The following CNBD1 variants were observed in gnomAD, a reference collection of about 807,000 sequenced individuals.
CNBD1 encodes the protein cyclic nucleotide binding domain containing 1, also known as cyclic nucleotide-binding domain-containing protein 1.
A neutral mutation model predicts 54.4 loss-of-function variants in CNBD1; 71 were observed. The observed-to-expected ratio is 1.30, with a 90% confidence interval of 1.08 to 1.59. CNBD1 has a LOEUF of 1.59. Ranked by LOEUF, CNBD1 falls within the 40% of genes most tolerant of loss-of-function variation. CNBD1 has a pLI of 0.00. For synonymous variants in CNBD1, 182 were observed against 170.7 expected, an observed-to-expected ratio of 1.07 and a Z score of -0.51; for missense variants, 659 against 518.0, an observed-to-expected ratio of 1.27 and a Z score of -2.64.
chr8:87,399,959 G>T (rs1039634291), intron 2 of CNBD1, among the ~76,000 whole-genome samples: 2 of 151,740 alleles, frequency 1.3e-5, no homozygotes, highest in Admixed American at 6.6e-5. Flanking sequence ...ATGATAAAAG[G>T]CAGGACATAA....
chr8:87,039,370 T>C (rs1810015470), intron 4 of CNBD1, among the ~76,000 whole-genome samples: 2 of 152,218 alleles, frequency 1.3e-5, no homozygotes. Context: ...AGTATGTTTG[T>C]ACTCAAAAGT....
intron 3 of CNBD1, among the ~76,000 whole-genome samples, chr8:86,906,870 A>G (rs1809025688): frequency 1.3e-5 from 2 of 152,228 alleles, no homozygotes; most frequent in African/African-American, 4.8e-5. Context: ...GTGTTTTAAC[A>G]GTAAAACTGT....
intron 4 of CNBD1, among the ~76,000 whole-genome samples, chr8:87,074,482 C>T (rs888147889): frequency 1.3e-5 from 2 of 152,160 alleles, no homozygotes; most frequent in Non-Finnish European, 2.9e-5. Flanking sequence ...GTATGTAAAA[C>T]TCCAGGATCT....
chr8:87,006,930 C>A (rs1809112742), intron 4 of CNBD1, among the ~76,000 whole-genome samples: 1 of 152,248 alleles, frequency 6.6e-6, no homozygotes, highest in Non-Finnish European at 1.5e-5. Flanking sequence ...GGTGCCGCGG[C>A]TCACGCCTGT....
At chr8:87,428,023 G>C (rs927206100) in intron 2 of CNBD1, among the ~76,000 whole-genome samples, 6 of 151,796 alleles carry the variant, frequency 4.0e-5, no homozygotes, top group African/African-American at 1.5e-4. Flanking sequence ...GCAGAATTAT[G>C]AATGCTTTCT....
intron 4 of CNBD1, among the ~76,000 whole-genome samples, chr8:86,964,108 G>T (rs956218463): frequency 1.7e-3 from 1 of 598 alleles, no homozygotes; most frequent in Non-Finnish European, 3.0e-3. Flanking sequence ...AGTACTCTCT[G>T]GTCGTATGGC....
intron 5 of CNBD1, among the ~76,000 whole-genome samples, chr8:87,218,742 A>G (rs2130807066): frequency 1.3e-5 from 2 of 152,110 alleles, no homozygotes; most frequent in South Asian, 4.1e-4. Context: ...TAAAAGATTG[A>G]AATGTTTTAA....
intron 4 of CNBD1, among the ~76,000 whole-genome samples, chr8:87,149,278 G>A (rs1190660077): frequency 6.6e-6 from 1 of 152,200 alleles, no homozygotes; most frequent in Non-Finnish European, 1.5e-5. Context: ...TACTAGAGGA[G>A]AGATGGGCCT....
At chr8:87,287,362 C>T (rs976524596) in intron 8 of CNBD1, among the ~76,000 whole-genome samples, 2 of 152,092 alleles carry the variant, frequency 1.3e-5, no homozygotes, top group Admixed American at 6.6e-5. Context: ...TAAGGAAACA[C>T]AATTGCTACA....
chr8:87,165,848 C>T (rs1052694003), intron 4 of CNBD1, among the ~76,000 whole-genome samples: 1 of 151,676 alleles, frequency 6.6e-6, no homozygotes, highest in Non-Finnish European at 1.5e-5. Flanking sequence ...GTTTATTTGC[C>T]GTCATATATA....
chr8:87,041,372 G>A (rs1319682533), intron 4 of CNBD1, among the ~76,000 whole-genome samples: 1 of 152,140 alleles, frequency 6.6e-6, no homozygotes. Flanking sequence ...CAGTGTAAAA[G>A]TCTCAGGCAG....
Position 86,943,862 on chromosome 8 carries a change from A to G in CNBD1, c.431+4108A>G, listed in dbSNP as rs947361049. Among the ~76,000 whole-genome samples, 32 of 152,166 alleles carry G rather than the reference A, an allele frequency of 2.1e-4. 1 individual carries two copies. Among genetic ancestry groups the G allele is most frequent in the Admixed American group, 1.9e-3 (29 of 15,260 alleles). Reference sequence around the variant, plus strand: ...AAGAATATCAGGTAGCTCTCAGAATAGAAGAACAACAACTAGATGCTGGAG... The same window carrying G: ...AAGAATATCAGGTAGCTCTCAGAATGGAAGAACAACAACTAGATGCTGGAG... On this transcript the variant is annotated intron_variant, in intron 4 of 10. Transcript: ENST00000518476.
chr8:87,047,213 CT>C (rs1165455341), intron 4 of CNBD1, among the ~76,000 whole-genome samples: 2 of 152,142 alleles, frequency 1.3e-5, no homozygotes, highest in Non-Finnish European at 2.9e-5. Flanking sequence ...ATTCTATCAA[CT>C]TCACCTAGTC....
At chr8:87,419,645 G>T (rs1031298668) in intron 2 of CNBD1, among the ~76,000 whole-genome samples, 1 of 151,862 alleles carries the variant, frequency 6.6e-6, no homozygotes, top group Admixed American at 6.6e-5. Context: ...TAATGAAATT[G>T]ATACTGTAAT....
intron 2 of CNBD1, among the ~76,000 whole-genome samples, chr8:87,415,971 A>G (rs756474762): frequency 3.9e-5 from 6 of 151,908 alleles, no homozygotes; most frequent in Non-Finnish European, 8.8e-5. Context: ...AAAAAATCAT[A>G]TGGACATTAA....
In CNBD1 at chr8:87,290,233, G is replaced by A. The variant is rs573072470; in HGVS notation, c.1042+3562G>A. 7.3e-5 allele frequency among the ~76,000 whole-genome samples: 11 copies of A among 149,972 alleles called. No individual in the cohort carries two copies. The East Asian group carries it at 1.6e-3, about 21-fold the overall frequency. On this transcript the variant is annotated intron_variant, in intron 8 of 10. Transcript: ENST00000518476. ...ACATTATTATTTTATATAAAGTTATGTCTCAAAAACAAAGAAAAAAGAGAT... is the reference window on the plus strand; with the variant it reads ...ACATTATTATTTTATATAAAGTTATATCTCAAAAACAAAGAAAAAAGAGAT...
At position 87,228,060 on chromosome 8, in the gene CNBD1, C is replaced by T. The variant is rs534864314; in HGVS notation, c.578-8859C>T. Among the ~76,000 whole-genome samples, 25 of 151,956 alleles carry T rather than the reference C, an allele frequency of 1.6e-4. No individual in the cohort carries two copies. The East Asian group carries it at 4.3e-3, about 26-fold the overall frequency. On this transcript the variant is annotated intron_variant, in intron 5 of 10. Transcript: ENST00000518476. ...GCTCCTGAGGCTTCTGCATTCTTCCCGTAGTTCTCGAGCCTTGGTTTTCAG... is the reference window on the plus strand; with the variant it reads ...GCTCCTGAGGCTTCTGCATTCTTCCTGTAGTTCTCGAGCCTTGGTTTTCAG...
At chr8:87,154,472 G>A (rs947311530) in intron 4 of CNBD1, among the ~76,000 whole-genome samples, 17 of 152,188 alleles carry the variant, frequency 1.1e-4, no homozygotes, top group Non-Finnish European at 1.9e-4. Context: ...AGAACTGCAA[G>A]GGGAATGCTT....
intron 4 of CNBD1, among the ~76,000 whole-genome samples, chr8:87,047,746 A>G (rs921401207): frequency 6.6e-6 from 1 of 152,100 alleles, no homozygotes; most frequent in African/African-American, 2.4e-5. Context: ...AAAATATTGG[A>G]TTTTCCTCTG....
Sources: gnomAD v4.1 joint callset for allele counts (sites outside exome capture counted in the v4.1 genomes callset) on GRCh38, gnomAD v4.1.1 for gene constraint, MANE v1.5 for transcripts, NCBI Gene and HGNC (gene_info 2026-07-23, HGNC 2026-07-21) for gene names.